ELP3: variants seen among roughly 807,000 people sequenced by gnomAD.
The protein encoded by ELP3 is elongator complex protein 3.
Under a neutral mutation model 74.9 loss-of-function variants are expected in ELP3, and 56 were observed. That is an observed-to-expected ratio of 0.75 (90% CI 0.60 to 0.93). The LOEUF (loss-of-function observed/expected upper bound fraction) is 0.93, where lower values mean the gene tolerates loss of function less well. ELP3 is among the 40% of genes least tolerant of loss of function. ELP3 has a pLI of 0.00. For synonymous variants in ELP3, 222 were observed against 239.8 expected (o/e 0.93, Z 0.68); for missense variants, 573 against 686.5 (o/e 0.83, Z 1.85).
chr8:28,122,531 C>G (rs867160438), intron 7 of ELP3, among the ~76,000 whole-genome samples: 1 of 152,148 alleles, frequency 6.6e-6, no homozygotes, highest in South Asian at 2.1e-4. Context: ...TAAAAAGTTA[C>G]GTTTTTCAAG....
chr8:28,153,800 C>G (rs1813726200), intron 10 of ELP3, among the ~76,000 whole-genome samples: 1 of 152,130 alleles, frequency 6.6e-6, no homozygotes, highest in Non-Finnish European at 1.5e-5. Flanking sequence ...TTAATTGATG[C>G]CTCTTTTAAG....
chr8:28,094,696 C>G (rs1482584033), intron 1 of ELP3, among the ~76,000 whole-genome samples: 1 of 151,698 alleles, frequency 6.6e-6, no homozygotes, highest in East Asian at 1.9e-4. Context: ...GAGCCGAGAT[C>G]GCACCACTGC....
chr8:28,104,432 C>T (rs1256075475), intron 3 of ELP3, among the ~76,000 whole-genome samples: 1 of 152,220 alleles, frequency 6.6e-6, no homozygotes. Context: ...ACATTACTGT[C>T]ATCTAAGCCT....
intron 3 of ELP3, among the ~76,000 whole-genome samples, chr8:28,101,772 TA>T (rs1811499173): frequency 6.6e-6 from 1 of 152,032 alleles, no homozygotes; most frequent in East Asian, 1.9e-4. Flanking sequence ...GTATTTTCAG[TA>T]GAGACAGGGT....
intron 14 of ELP3, among the ~76,000 whole-genome samples, chr8:28,168,265 G>A (rs751435456): frequency 6.6e-6 from 1 of 152,176 alleles, no homozygotes; most frequent in South Asian, 2.1e-4. Context: ...TGAATTTTTT[G>A]TGATGTTTCC....
At chr8:28,173,135 T>C (rs1814599139) in intron 14 of ELP3, among the ~76,000 whole-genome samples, 1 of 152,074 alleles carries the variant, frequency 6.6e-6, no homozygotes, top group Admixed American at 6.5e-5. Flanking sequence ...AGAGTAATGC[T>C]GGCTTTATTA....
intron 7 of ELP3, among the ~76,000 whole-genome samples, chr8:28,118,150 G>C (rs979537041): frequency 6.6e-6 from 1 of 152,024 alleles, no homozygotes; most frequent in Non-Finnish European, 1.5e-5. Flanking sequence ...AGCTTAGCAG[G>C]GTTTTTTAAA....
intron 5 of ELP3, among the ~76,000 whole-genome samples, chr8:28,109,676 C>A (rs1811836167): frequency 6.6e-6 from 1 of 152,202 alleles, no homozygotes; most frequent in Non-Finnish European, 1.5e-5. Flanking sequence ...ACACCTGATA[C>A]ACCTAGGCTG....
At chr8:28,186,322 A>G (rs1300789264) in intron 14 of ELP3, among the ~76,000 whole-genome samples, 1 of 152,208 alleles carries the variant, frequency 6.6e-6, no homozygotes, top group Non-Finnish European at 1.5e-5. Flanking sequence ...AAAAGCAAAA[A>G]TATCCTCAAA....
chr8:28,142,818 C>A (rs1488377710), intron 10 of ELP3, among the ~76,000 whole-genome samples: 3 of 151,844 alleles, frequency 2.0e-5, no homozygotes, highest in Non-Finnish European at 1.5e-5. Context: ...AGTTTTGGTG[C>A]TTTTAACTAT....
intron 11 of ELP3, among the ~76,000 whole-genome samples, chr8:28,156,350 A>T (rs1813828235): frequency 6.6e-6 from 1 of 152,234 alleles, no homozygotes; most frequent in Non-Finnish European, 1.5e-5. Context: ...AGGAGACGTG[A>T]ATCCTGAAAG....
intron 1 of ELP3, chr8:28,093,531 G>C: frequency 2.1e-6 from 1 of 486,546 alleles, no homozygotes; most frequent in South Asian, 2.6e-5. Context: ...CGATTTAACG[G>C]GTTGTAGGAC....
At chr8:28,091,031 C>G (rs1811037862), upstream of ELP3, among the ~76,000 whole-genome samples, 1 of 151,512 alleles carries the variant, frequency 6.6e-6, no homozygotes, top group Admixed American at 6.6e-5. Flanking sequence ...CTCAGCCTCC[C>G]AAGTAGCTGG....
At chr8:28,119,266 A>G (rs1359692027) in intron 7 of ELP3, among the ~76,000 whole-genome samples, 1 of 152,150 alleles carries the variant, frequency 6.6e-6, no homozygotes, top group African/African-American at 2.4e-5. Flanking sequence ...GAGAGTTGAT[A>G]TGGTTTTTCT....
At chr8:28,141,213 T>C (rs1170992189) in intron 10 of ELP3, among the ~76,000 whole-genome samples, 1 of 152,184 alleles carries the variant, frequency 6.6e-6, no homozygotes, top group Non-Finnish European at 1.5e-5. Flanking sequence ...AAAGTGAACA[T>C]TATCAGTAAT....
chr8:28,116,717 C>T (rs575486957), intron 7 of ELP3, among the ~76,000 whole-genome samples: 34 of 152,202 alleles, frequency 2.2e-4, no homozygotes, highest in Non-Finnish European at 2.1e-4. Flanking sequence ...CCAGCCTGGG[C>T]GACAGAGTGA....
At chr8:28,108,619 G>A (rs989968876) in intron 5 of ELP3, among the ~76,000 whole-genome samples, 1 of 152,022 alleles carries the variant, frequency 6.6e-6, no homozygotes, top group African/African-American at 2.4e-5. Flanking sequence ...ACCACGCCCA[G>A]CTAATTTTTG....
intron 14 of ELP3, among the ~76,000 whole-genome samples, chr8:28,175,598 T>A (rs903966217): frequency 1.3e-5 from 2 of 152,230 alleles, no homozygotes. Context: ...CTTTGAGTAG[T>A]AATCCCAGTG....
chr8:28,158,417 T>G (rs551699323), intron 11 of ELP3, 151 bp from the exon 12 acceptor site: 1 of 636,326 alleles, frequency 1.6e-6, no homozygotes, highest in African/African-American at 1.8e-5. Context: ...ATTCAGCTCT[T>G]TTATCTCACT....
Sources: gnomAD v4.1 joint callset for allele counts (sites outside exome capture counted in the v4.1 genomes callset) on GRCh38, gnomAD v4.1.1 for gene constraint, MANE v1.5 for transcripts, NCBI Gene and HGNC (gene_info 2026-07-23, HGNC 2026-07-21) for gene names.